The following CCDC33 variants were observed in gnomAD, a reference collection of about 807,000 sequenced individuals.
CCDC33 encodes coiled-coil domain containing 33, also known as coiled-coil domain-containing protein 33.
CCDC33 carries 94 observed loss-of-function variants against 91.9 expected under a neutral mutation model. The ratio of observed to expected loss-of-function variants is 1.02; its 90% CI spans 0.87 to 1.21. CCDC33 has a LOEUF of 1.21. Among genes scored for constraint, CCDC33 ranks in the 50% most tolerant of loss-of-function variants. The probability of loss-of-function intolerance (pLI) is 0.00; values close to 1 mark genes in which losing one functional copy is unlikely to be tolerated. For missense variants in CCDC33, 940 were observed against 935.5 expected (o/e 1.00, Z -0.06); for synonymous variants, 396 against 374.5 (o/e 1.06, Z -0.66).
At chr15:74,257,219 G>A (rs898890586) in intron 2 of CCDC33, among the ~76,000 whole-genome samples, 8 of 152,224 alleles carry the variant, frequency 5.3e-5, no homozygotes, top group Admixed American at 3.9e-4. Context: ...AGAGTCCCTC[G>A]CGTTGCTGAG....
At chr15:74,233,249 G>A (rs1048279758), upstream of CCDC33, among the ~76,000 whole-genome samples, 1 of 152,194 alleles carries the variant, frequency 6.6e-6, no homozygotes, top group East Asian at 1.9e-4. Context: ...CAGGGGCGTG[G>A]GACCAGGGCA....
At chr15:74,232,198 G>A (rs1055322858), upstream of CCDC33, among the ~76,000 whole-genome samples, 1 of 152,148 alleles carries the variant, frequency 6.6e-6, no homozygotes. Context: ...CAGGCGGGGC[G>A]AGAGATTGGG....
intron 2 of CCDC33, among the ~76,000 whole-genome samples, chr15:74,247,386 ACACACACACACG>A (rs1800747051): frequency 1.3e-5 from 2 of 151,920 alleles, no homozygotes; most frequent in Admixed American, 6.6e-5. Flanking sequence ...ACACACACAC[ACACACACACACG>A]TCATATACAT....
At chr15:74,304,720 G>A (rs544354670) in intron 11 of CCDC33, among the ~76,000 whole-genome samples, 1 of 152,222 alleles carries the variant, frequency 6.6e-6, no homozygotes, top group African/African-American at 2.4e-5. Context: ...GGAGCCTGGT[G>A]CTGCTCTGCC....
chr15:74,333,596 C>G (rs967477974), intron 16 of CCDC33, among the ~76,000 whole-genome samples: 1 of 152,094 alleles, frequency 6.6e-6, no homozygotes, highest in Non-Finnish European at 1.5e-5. Flanking sequence ...ACTCCCAGTG[C>G]GTTAATTATA....
chr15:74,305,053 T>C (rs2059868752), intron 11 of CCDC33, among the ~76,000 whole-genome samples: 1 of 152,030 alleles, frequency 6.6e-6, no homozygotes, highest in Non-Finnish European at 1.5e-5. Flanking sequence ...TTCAAGTGAT[T>C]CTTCTGTTTC....
At chr15:74,272,401 T>C (rs933287973) in intron 6 of CCDC33, among the ~76,000 whole-genome samples, 5 of 152,212 alleles carry the variant, frequency 3.3e-5, no homozygotes, top group Non-Finnish European at 7.3e-5. Flanking sequence ...AGGAGATTCA[T>C]ACTTTGCCAC....
intron 5 of CCDC33, among the ~76,000 whole-genome samples, chr15:74,270,861 C>G (rs1174498386): frequency 6.6e-6 from 1 of 152,106 alleles, no homozygotes; most frequent in Non-Finnish European, 1.5e-5. Flanking sequence ...TGGGACCCCG[C>G]TCGGCTCTCT....
chr15:74,269,099 A>G (rs959209440), intron 5 of CCDC33, among the ~76,000 whole-genome samples: 1 of 151,828 alleles, frequency 6.6e-6, no homozygotes, highest in Admixed American at 6.6e-5. Flanking sequence ...CCCTAGGCCA[A>G]TTAGCAGCTT....
chr15:74,315,409 G>C (rs955360386), intron 11 of CCDC33, among the ~76,000 whole-genome samples: 2 of 152,172 alleles, frequency 1.3e-5, no homozygotes, highest in Admixed American at 1.3e-4. Flanking sequence ...CGGAGTGGTG[G>C]TGAAGACTCT....
intron 11 of CCDC33, among the ~76,000 whole-genome samples, chr15:74,305,067 C>T (rs1355136462): frequency 2.0e-5 from 3 of 152,096 alleles, no homozygotes; most frequent in Non-Finnish European, 4.4e-5. Context: ...CTGTTTCAGC[C>T]TCCCAAGTAG....
At chr15:74,263,457 C>T (rs1004469545) in intron 3 of CCDC33, among the ~76,000 whole-genome samples, 4 of 152,176 alleles carry the variant, frequency 2.6e-5, no homozygotes, top group African/African-American at 9.7e-5. Flanking sequence ...TTGTTCTCCT[C>T]ACACAGAGCA....
At chr15:74,276,300 G>A (rs1194970562) in intron 7 of CCDC33, among the ~76,000 whole-genome samples, 1 of 152,166 alleles carries the variant, frequency 6.6e-6, no homozygotes, top group Non-Finnish European at 1.5e-5. Context: ...GACTTCACCT[G>A]GTCCAGCCTG....
chr15:74,204,368 T>C (rs936876835), intron 1 of CCDC33, among the ~76,000 whole-genome samples: 5 of 152,232 alleles, frequency 3.3e-5, no homozygotes, highest in African/African-American at 1.2e-4. Context: ...TTGCTTGTTC[T>C]GGCGGCCAGT....
upstream of CCDC33, among the ~76,000 whole-genome samples, chr15:74,215,181 C>T (rs559038238): frequency 3.7e-4 from 57 of 152,254 alleles, no homozygotes; most frequent in African/African-American, 1.3e-3. Context: ...TAGTGGAAAT[C>T]ACACCAGCAA....
In CCDC33 at chr15:74,244,262, C is replaced by A; in HGVS notation, c.185+114C>A. On this transcript the variant is annotated intron_variant, in intron 2 of 18. Coordinates refer to ENST00000398814, the MANE Select transcript of CCDC33 (RefSeq NM_025055.5). This position sits in a 1 kb window ranked among gnomAD's most constrained non-coding sequence, Gnocchi z 4.2. ...AGGCCCAGGACTGGGACTGTCATAC[C>A]CAGAGGGGAGGAGCTGCTGTGGGCA... 1 of 1,362,796 alleles carries A rather than the reference C, an allele frequency of 7.3e-7. No homozygotes were observed. Among genetic ancestry groups the A allele is most frequent in the South Asian group, 1.5e-5 (1 of 67,144 alleles). 84.4% of individuals were successfully genotyped at this position (1,362,796 alleles called of 1,614,324 possible).
At position 74,331,089 on chromosome 15, in the gene CCDC33, G is replaced by C; in HGVS notation, c.1654G>C (p.Glu552Gln). 1 of 1,613,638 alleles carries C rather than the reference G, an allele frequency of 6.2e-7. No homozygotes were observed. The highest frequency in any genetic ancestry group is 8.5e-7 in the Non-Finnish European group (1 of 1,179,702). ...GKLQKMKALE[E>Q]TVRHQEKVIE... is the part of the protein sequence containing the mutation. ...GCTGCAGAAGATGAAGGCGCTGGAGGAGACTGTGCGGCACCAAGAGAAGGC... is the reference window on the plus strand; with the variant it reads ...GCTGCAGAAGATGAAGGCGCTGGAGCAGACTGTGCGGCACCAAGAGAAGGC... Residue 552 changes from glutamate (E) to glutamine (Q), a missense_variant, in exon 14 of 19, where the codon GAG (glutamate) becomes CAG (glutamine). Coordinates refer to ENST00000398814, the MANE Select transcript of CCDC33 (RefSeq NM_025055.5).
At chr15:74,326,565 G>A (rs1188867134) in intron 11 of CCDC33, among the ~76,000 whole-genome samples, 1 of 152,264 alleles carries the variant, frequency 6.6e-6, no homozygotes, top group Non-Finnish European at 1.5e-5. Context: ...CTCAGTGGCA[G>A]TGGGGCAATT....
rs563439208 is a variant in CCDC33, at chr15:74,220,905, T to C, written c.675+2044T>C. 3.3e-5 allele frequency among the ~76,000 whole-genome samples: 5 copies of C among 152,280 alleles called. No homozygotes were observed. In the East Asian group the frequency reaches 9.6e-4, roughly 29 times the overall value. ...GATAACTTGCTCTAGCAGTTCAGGC[T>C]AAGGAAGGCAGGCACCTTTCTGGTG... On this transcript the variant is annotated intron_variant, in intron 2 of 2. Transcript: ENST00000635913.
Sources: allele counts gnomAD v4.1 joint callset (sites outside exome capture counted in the v4.1 genomes callset), GRCh38; gene constraint gnomAD v4.1.1; non-coding constraint Gnocchi (gnomAD v3.1); transcripts MANE v1.5; gene names NCBI Gene and HGNC (gene_info 2026-07-23, HGNC 2026-07-21).